The following CHAC2 variants were observed in gnomAD, a reference collection of about 807,000 sequenced individuals.
CHAC2 encodes ChaC glutathione specific gamma-glutamylcyclotransferase 2.
Under a neutral mutation model 16.9 loss-of-function variants are expected in CHAC2, and 20 were observed. That is an observed-to-expected ratio of 1.18 (90% CI 0.83 to 1.72). The LOEUF is 1.72. CHAC2 is among the 40% of genes most tolerant of loss of function. The pLI, the probability that CHAC2 is intolerant of heterozygous loss-of-function variation, is 0.00. For missense variants in CHAC2, 269 were observed against 222.2 expected, an observed-to-expected ratio of 1.21 and a Z score of -1.34; for synonymous variants, 91 against 77.3, an observed-to-expected ratio of 1.18 and a Z score of -0.93.
intron 1 of CHAC2, among the ~76,000 whole-genome samples, chr2:53,771,588 T>C (rs919869707): frequency 5.3e-5 from 8 of 152,222 alleles, no homozygotes; most frequent in Admixed American, 3.3e-4. Flanking sequence ...TATTTATAAT[T>C]ACTGCTTCCA....
intron 1 of CHAC2, 112 bp downstream of exon 1, chr2:53,768,133 A>T: frequency 8.0e-7 from 1 of 1,242,864 alleles, no homozygotes; most frequent in Non-Finnish European, 1.1e-6. Flanking sequence ...ATGGGGCCAA[A>T]GCACATGGCT....
intron 1 of CHAC2, 69 bp from the exon 2 acceptor site, chr2:53,771,838 T>C (rs1673934581): frequency 1.2e-6 from 1 of 814,360 alleles, no homozygotes; most frequent in South Asian, 1.5e-5. Flanking sequence ...GTCAAAAATG[T>C]TGCTAATGCT....
In CHAC2 at chr2:53,768,075, A is replaced by G. The variant is rs902958014; in HGVS notation, c.135+54A>G. 1.8e-5 allele frequency: 29 copies of G among 1,594,180 alleles called. No homozygotes were observed. The African/African-American group carries it at 3.4e-4, about 18-fold the overall frequency. On this transcript the variant is annotated intron_variant, in intron 1 of 2. Coordinates refer to ENST00000295304, the MANE Select transcript of CHAC2 (RefSeq NM_001008708.4). ...ACTGCCCCCTGACCCCTGCTCCCCA[A>G]CTCCACACACAGCACCCACACCCTA...
At chr2:53,773,724 T>C (rs1245787862) in intron 2 of CHAC2, among the ~76,000 whole-genome samples, 2 of 151,202 alleles carry the variant, frequency 1.3e-5, no homozygotes, top group Non-Finnish European at 2.9e-5. Context: ...CCACCGCTCC[T>C]GGCCCACTTT....
chr2:53,770,497 TTAA>T (rs1488107306), intron 1 of CHAC2, among the ~76,000 whole-genome samples: 2 of 111,826 alleles, frequency 1.8e-5, no homozygotes, highest in African/African-American at 7.9e-5. Context: ...CGAAGTTTAT[TTAA>T]AAAAAAAAAA....
intron 2 of CHAC2, among the ~76,000 whole-genome samples, chr2:53,773,076 CAGAT>C (rs1674058451): frequency 6.6e-6 from 1 of 152,030 alleles, no homozygotes; most frequent in Non-Finnish European, 1.5e-5. Context: ...TTAGTAATGG[CAGAT>C]AAATAATGGT....
At chr2:53,769,071 G>T (rs571836521) in intron 1 of CHAC2, among the ~76,000 whole-genome samples, 26 of 152,306 alleles carry the variant, frequency 1.7e-4, no homozygotes, top group Non-Finnish European at 3.4e-4. Flanking sequence ...TGGGATGTTG[G>T]ACACAGTGAC....
chr2:53,773,772 C>T (rs908894349), intron 2 of CHAC2, among the ~76,000 whole-genome samples: 5 of 151,750 alleles, frequency 3.3e-5, no homozygotes, highest in Admixed American at 3.3e-4. Context: ...TGGTGGTTCA[C>T]ACCTGTAATC....
intron 2 of CHAC2, among the ~76,000 whole-genome samples, chr2:53,772,222 T>G (rs1673976636): frequency 6.6e-6 from 1 of 152,198 alleles, no homozygotes; most frequent in Non-Finnish European, 1.5e-5. Flanking sequence ...TCGCCCAGGC[T>G]GGAGTGCAGT....
At chr2:53,771,519 A>G (rs968713888) in intron 1 of CHAC2, among the ~76,000 whole-genome samples, 1 of 152,104 alleles carries the variant, frequency 6.6e-6, no homozygotes, top group Non-Finnish European at 1.5e-5. Context: ...GTCTCAAAAA[A>G]TAAATAAATA....
Position 53,774,337 on chromosome 2 carries a change from C to T in CHAC2, c.367C>T (p.Pro123Ser), listed in dbSNP as rs765395740. The T allele has an allele frequency of 1.2e-6, 2 of 1,613,424 alleles. No individual in the cohort carries two copies. The highest frequency in any genetic ancestry group is 2.2e-5 in the South Asian group (2 of 90,838). The change falls in exon 3 of 3, where the codon CCT becomes TCT. Residue 123 changes from proline to serine, a missense_variant. Pro to Ser is a moderately conservative substitution (Grantham distance 74, BLOSUM62 -1). Coordinates refer to ENST00000295304, the MANE Select transcript of CHAC2 (RefSeq NM_001008708.4). ...CDNPDYLGPA[P>S]LEDIAEQIFN... Reference sequence around the variant, plus strand: ...TAATCCTGATTATCTTGGTCCTGCACCTCTGGAAGACATTGCTGAACAAAT... The same window carrying T: ...TAATCCTGATTATCTTGGTCCTGCATCTCTGGAAGACATTGCTGAACAAAT...
intron 1 of CHAC2, among the ~76,000 whole-genome samples, chr2:53,769,142 C>T (rs904594608): frequency 2.0e-5 from 3 of 152,122 alleles, no homozygotes; most frequent in African/African-American, 7.2e-5. Flanking sequence ...AATGTCATGG[C>T]CAAAGTATCT....
Position 53,771,390 on chromosome 2 carries a change from G to A in CHAC2, c.136-517G>A, listed in dbSNP as rs376668668. Among the ~76,000 whole-genome samples the A allele has an allele frequency of 5.9e-5, 9 of 152,240 alleles. No homozygotes were observed. The East Asian group carries it at 1.5e-3, about 26-fold the overall frequency. ...TAGCTGGGTGTCTTGGCGGGCACCTGTAATCCCAACTACTCAGGAGGCTGA... is the reference window on the plus strand; with the variant it reads ...TAGCTGGGTGTCTTGGCGGGCACCTATAATCCCAACTACTCAGGAGGCTGA... On this transcript the variant is annotated intron_variant, in intron 1 of 2. Transcript: ENST00000295304.
Position 53,774,659 on chromosome 2 carries a change from CAT to C in CHAC2, c.*137_*138del, listed in dbSNP as rs140565316. 1.2e-4 allele frequency: 78 copies of C among 643,008 alleles called. No homozygotes were observed. In the African/African-American group the frequency reaches 1.3e-3, roughly 11 times the overall value. The allele number at this position is 643,008 out of a possible 1,614,324, so 39.8% of individuals were successfully genotyped here. On this transcript the variant is annotated 3_prime_UTR_variant, in exon 3 of 3. Transcript: ENST00000295304. ...TTTTAACTGGAAATGTCCTGAAACA[CAT>C]ATTTAAAATATTGGGATACAGTGAA...
rs561786853 is a variant in CHAC2 at position 53,774,926 on chromosome 2, C to T, written c.*401C>T. 2.4e-3 allele frequency: 366 copies of T among 155,384 alleles called. No individual in the cohort carries two copies. Among genetic ancestry groups the T allele is most frequent in the Middle Eastern group, 0.01 (3 of 300 alleles). 9.6% of individuals were successfully genotyped at this position (155,384 alleles called of 1,614,324 possible). On this transcript the variant is annotated 3_prime_UTR_variant, in exon 3 of 3. Transcript: ENST00000295304. Reference sequence around the variant, plus strand: ...AATATATTCCTATACAATTCTGTAACCATGGTTTAAAATACACAAGCTTAA... The same window carrying T: ...AATATATTCCTATACAATTCTGTAATCATGGTTTAAAATACACAAGCTTAA...
Position 53,774,632 on chromosome 2 carries a change from T to A in CHAC2, c.*107T>A. 1.2e-6 allele frequency: 1 copy of A among 805,730 alleles called. No homozygotes were observed. Among genetic ancestry groups the A allele is most frequent in the South Asian group, 3.0e-5 (1 of 32,964 alleles). 49.9% of individuals were successfully genotyped at this position (805,730 alleles called of 1,614,324 possible). ...GTAGTGAGGATATTATTTAAACTTT[T>A]ATTTTAACTGGAAATGTCCTGAAAC... On this transcript the variant is annotated 3_prime_UTR_variant, in exon 3 of 3. Coordinates refer to ENST00000295304, the MANE Select transcript of CHAC2 (RefSeq NM_001008708.4).
In CHAC2 at chr2:53,774,227, G is replaced by A; in HGVS notation, c.257G>A (p.Gly86Asp). 1 of 1,614,028 alleles carries A rather than the reference G, an allele frequency of 6.2e-7. No homozygotes were observed. The highest frequency in any genetic ancestry group is 8.5e-7 in the Non-Finnish European group (1 of 1,179,998). ...TACCTTGACTTCAGAGAAAAAGGAG[G>A]CTACAGAACCACAACAGTCATTTTT... ...KAYLDFREKG[G>D]YRTTTVIFYP... is the part of the protein sequence containing the mutation. The change falls in exon 3 of 3, where the codon GGC (glycine) becomes GAC (aspartate). Residue 86 changes from glycine to aspartate, a missense_variant. Physicochemically the swap from Gly to Asp is moderately conservative, Grantham distance 94. Coordinates refer to ENST00000295304, the MANE Select transcript of CHAC2 (RefSeq NM_001008708.4).
intron 1 of CHAC2, 127 bp downstream of exon 1, chr2:53,768,148 G>A: frequency 2.7e-6 from 3 of 1,110,650 alleles, no homozygotes; most frequent in Non-Finnish European, 1.2e-6. Context: ...ATGGCTTGGG[G>A]TAACATTTCT....
intron 2 of CHAC2, among the ~76,000 whole-genome samples, chr2:53,773,298 TTAAGA>T (rs1674075186): frequency 6.7e-6 from 1 of 150,346 alleles, no homozygotes; most frequent in Admixed American, 6.6e-5. Context: ...AAAAATTTTT[TTAAGA>T]TAAAATATCT....
Sources: allele counts gnomAD v4.1 joint callset (sites outside exome capture counted in the v4.1 genomes callset), GRCh38; gene constraint gnomAD v4.1.1; transcripts MANE v1.5; gene names NCBI Gene and HGNC (gene_info 2026-07-23, HGNC 2026-07-21).